Variants in NLGN1 observed in about 807,000 individuals in gnomAD.
NLGN1 encodes the protein neuroligin 1.
NLGN1 carries 12 observed loss-of-function variants against 65.5 expected under a neutral mutation model. The ratio of observed to expected loss-of-function variants is 0.18; its 90% CI spans 0.12 to 0.30. The LOEUF (loss-of-function observed/expected upper bound fraction) is 0.30, where lower values mean the gene tolerates loss of function less well. Ranked by LOEUF, NLGN1 falls within the 10% of genes least tolerant of loss-of-function variation. NLGN1 has a pLI of 1.00. For missense variants in NLGN1, 750 were observed against 1,007.1 expected, an observed-to-expected ratio of 0.74 and a Z score of 3.46; for synonymous variants, 350 against 359.5, an observed-to-expected ratio of 0.97 and a Z score of 0.30.
chr3:173,643,683 A>G (rs527384266), intron 3 of NLGN1, among the ~76,000 whole-genome samples: 2 of 152,276 alleles, frequency 1.3e-5, no homozygotes, highest in Admixed American at 1.3e-4. Context: ...CTGGGGAAAA[A>G]ATAATCCTAG....
intron 4 of NLGN1, among the ~76,000 whole-genome samples, chr3:174,172,590 A>T (rs1728748134): frequency 6.6e-6 from 1 of 152,022 alleles, no homozygotes; most frequent in Non-Finnish European, 1.5e-5. Flanking sequence ...TCCCCAGTGT[A>T]TGTTCTTGGC....
At chr3:173,704,415 A>C (rs1165830953) in intron 3 of NLGN1, among the ~76,000 whole-genome samples, 1 of 152,162 alleles carries the variant, frequency 6.6e-6, no homozygotes, top group Non-Finnish European at 1.5e-5. Flanking sequence ...TCAGTTGGGA[A>C]TTATTGTTGC....
Position 173,517,760 on chromosome 3 carries a change from A to ATCTG in NLGN1, c.-321+82685_-321+82686insGTCT, listed in dbSNP as rs1180141716. Among the ~76,000 whole-genome samples, 259 of 145,628 alleles carry ATCTG rather than the reference A, an allele frequency of 1.8e-3. 3 individuals carry two copies. The highest frequency in any genetic ancestry group is 6.9e-3 in the African/African-American group (249 of 36,338). ...TTTGCTTTCGCAAATTTATCTATCT[A>ATCTG]TCTATCTATCTATCTATCTATCTAT... On this transcript the variant is annotated intron_variant, in intron 2 of 6. Coordinates refer to ENST00000457714, the Ensembl canonical transcript of NLGN1.
chr3:173,558,954 A>G (rs146404901), intron 2 of NLGN1, among the ~76,000 whole-genome samples: 3 of 152,182 alleles, frequency 2.0e-5, no homozygotes, highest in East Asian at 1.9e-4. Context: ...GGTGGTTAAG[A>G]TGTAGGAATC....
rs753994444 is a variant in NLGN1 at position 174,280,656 on chromosome 3, T to G, written c.1825T>G (p.Leu609Val). The change falls in exon 7 of 7, where the codon TTG becomes GTG. Residue 609 changes from leucine to valine, a missense_variant. Leu to Val is a conservative substitution (Grantham distance 32). Coordinates refer to ENST00000457714, the Ensembl canonical transcript of NLGN1. This position sits in a 1 kb window ranked among gnomAD's most constrained non-coding sequence, Gnocchi z 4.9. ...CAATAAGGTGAACCTCTGGTTGGAG[T>G]TGGTACCTCATCTGCATAATCTCAA... 1 of 1,613,066 alleles carries G rather than the reference T, an allele frequency of 6.2e-7. No individual in the cohort carries two copies. Among genetic ancestry groups the G allele is most frequent in the Admixed American group, 1.7e-5 (1 of 59,888 alleles).
chr3:173,518,286 T>A (rs1320144165), intron 2 of NLGN1, among the ~76,000 whole-genome samples: 4 of 151,986 alleles, frequency 2.6e-5, no homozygotes, highest in Non-Finnish European at 4.4e-5. Flanking sequence ...ATGTTGACTT[T>A]TTTTTTTCTT....
chr3:174,016,232 T>G lies in NLGN1; in HGVS notation c.646+208400T>G, dbSNP rs9874823. Among the ~76,000 whole-genome samples the G allele has an allele frequency of 1.4e-4, 22 of 152,180 alleles. No homozygotes were observed. In the South Asian group the frequency reaches 4.4e-3, roughly 30 times the overall value. ...TGGAAGCCTAGAAATGTCTGTTTGCTGAAGACCGTTAGAGTGAGCATCAGA... is the reference window on the plus strand; with the variant it reads ...TGGAAGCCTAGAAATGTCTGTTTGCGGAAGACCGTTAGAGTGAGCATCAGA... On this transcript the variant is annotated intron_variant, in intron 4 of 6. Coordinates refer to ENST00000457714, the Ensembl canonical transcript of NLGN1.
chr3:173,589,745 A>G (rs1469481493), intron 2 of NLGN1, among the ~76,000 whole-genome samples: 1 of 152,152 alleles, frequency 6.6e-6, no homozygotes, highest in Non-Finnish European at 1.5e-5. Flanking sequence ...TGTTTTTTAT[A>G]CCAATGTTTG....
chr3:173,880,699 G>T (rs1169822501), intron 4 of NLGN1, among the ~76,000 whole-genome samples: 1 of 151,950 alleles, frequency 6.6e-6, no homozygotes, highest in African/African-American at 2.4e-5. Flanking sequence ...AGTGTTTATG[G>T]CTGCTGACTG....
chr3:173,492,948 T>G (rs2149020204), intron 2 of NLGN1, among the ~76,000 whole-genome samples: 1 of 151,864 alleles, frequency 6.6e-6, no homozygotes, highest in Middle Eastern at 3.4e-3. Flanking sequence ...ATTTTCTGGA[T>G]ATTCGAGTCT....
At chr3:173,897,133 C>G (rs1736480251) in intron 4 of NLGN1, among the ~76,000 whole-genome samples, 1 of 152,186 alleles carries the variant, frequency 6.6e-6, no homozygotes, top group Admixed American at 6.5e-5. Context: ...CTCTATTCCA[C>G]TGATCCCATG....
At chr3:173,835,580 T>TAGACACACACAC in intron 4 of NLGN1, among the ~76,000 whole-genome samples, 1 of 146,494 alleles carries the variant, frequency 6.8e-6, no homozygotes, top group Middle Eastern at 3.5e-3. Context: ...TTCAAACACA[T>TAGACACACACAC]ACACACACAC....
At chr3:173,467,474 G>A (rs559106468) in intron 2 of NLGN1, among the ~76,000 whole-genome samples, 1 of 152,162 alleles carries the variant, frequency 6.6e-6, no homozygotes, top group Non-Finnish European at 1.5e-5. Flanking sequence ...TCAAATTTTA[G>A]TGCAAATTGG....
At chr3:173,601,621 T>C (rs1489938296) in intron 2 of NLGN1, among the ~76,000 whole-genome samples, 2 of 152,060 alleles carry the variant, frequency 1.3e-5, no homozygotes, top group Non-Finnish European at 1.5e-5. Flanking sequence ...AATTTCTGAA[T>C]ACATCATAAT....
chr3:173,710,719 G>C (rs150721739), intron 3 of NLGN1, among the ~76,000 whole-genome samples: 16 of 152,208 alleles, frequency 1.1e-4, no homozygotes, highest in African/African-American at 3.9e-4. Flanking sequence ...TAACAATAAA[G>C]TTCCTTTTTA....
intron 4 of NLGN1, among the ~76,000 whole-genome samples, chr3:174,241,841 G>A (rs945640731): frequency 1.3e-5 from 2 of 151,956 alleles, no homozygotes; most frequent in African/African-American, 4.8e-5. Flanking sequence ...TGTATTTTTA[G>A]TAGAGACGGG....
At chr3:173,678,846 T>G (rs1560153890) in intron 3 of NLGN1, among the ~76,000 whole-genome samples, 1 of 152,114 alleles carries the variant, frequency 6.6e-6, no homozygotes, top group Non-Finnish European at 1.5e-5. Context: ...TTCCACTAAG[T>G]AAGTGATATA....
chr3:173,921,020 A>T (rs1741901074), intron 4 of NLGN1, among the ~76,000 whole-genome samples: 1 of 151,906 alleles, frequency 6.6e-6, no homozygotes, highest in Non-Finnish European at 1.5e-5. Context: ...TTGTTGACTT[A>T]CTTATCCAAC....
At chr3:174,073,271 G>A (rs548890332) in intron 4 of NLGN1, among the ~76,000 whole-genome samples, 14 of 151,640 alleles carry the variant, frequency 9.2e-5, no homozygotes, top group African/African-American at 1.2e-4. Context: ...CCATTCCATC[G>A]CAAAGTTTGT....
Sources: gnomAD v4.1 joint callset for allele counts (sites outside exome capture counted in the v4.1 genomes callset) on GRCh38, gnomAD v4.1.1 for gene constraint, Gnocchi (gnomAD v3.1) non-coding constraint, MANE v1.5 for transcripts, NCBI Gene and HGNC (gene_info 2026-07-23, HGNC 2026-07-21) for gene names.